The following SGCG variants were observed in gnomAD, a reference collection of about 807,000 sequenced individuals.
SGCG encodes sarcoglycan gamma.
SGCG carries 26 observed loss-of-function variants against 29.3 expected under a neutral mutation model. The observed-to-expected ratio is 0.89, with a 90% CI of 0.65 to 1.23. The LOEUF (loss-of-function observed/expected upper bound fraction) is 1.23. SGCG is among the 50% of genes most tolerant of loss of function. The pLI, the probability that SGCG is intolerant of heterozygous loss-of-function variation, is 0.00. For missense variants in SGCG, 353 were observed against 356.0 expected, an observed-to-expected ratio of 0.99 and a Z score of 0.07; for synonymous variants, 145 against 129.7, an observed-to-expected ratio of 1.12 and a Z score of -0.80.
At chr13:23,216,131 C>A (rs558776393) in intron 2 of SGCG, among the ~76,000 whole-genome samples, 4 of 152,154 alleles carry the variant, frequency 2.6e-5, no homozygotes, top group East Asian at 3.9e-4. Context: ...CAAGATGCAC[C>A]CTTCCAGCTT....
chr13:23,235,723 A>G (rs1046896375), intron 3 of SGCG, among the ~76,000 whole-genome samples: 1 of 152,250 alleles, frequency 6.6e-6, no homozygotes, highest in African/African-American at 2.4e-5. Flanking sequence ...TCACCCAGCT[A>G]TAACTTTCTA....
At chr13:23,222,970 C>G (rs4769243) in intron 2 of SGCG, among the ~76,000 whole-genome samples, 1 of 151,868 alleles carries the variant, frequency 6.6e-6, no homozygotes, top group Non-Finnish European at 1.5e-5. Flanking sequence ...CTCAACATTT[C>G]GGGGGCCCAG....
chr13:23,175,806 T>C, the SGCG span, among the ~76,000 whole-genome samples: 9 of 152,128 alleles, frequency 5.9e-5, no homozygotes, highest in African/African-American at 2.2e-4. Flanking sequence ...TTAATTGATA[T>C]AACAATTTAC....
chr13:23,265,236 GAAATA>G (rs1325313421), intron 4 of SGCG, among the ~76,000 whole-genome samples: 1 of 151,372 alleles, frequency 6.6e-6, no homozygotes, highest in Non-Finnish European at 1.5e-5. Context: ...AATCTACGAG[GAAATA>G]AAACAGATCA....
chr13:23,320,229 G>T (rs1882983251), intron 6 of SGCG, among the ~76,000 whole-genome samples: 1 of 152,210 alleles, frequency 6.6e-6, no homozygotes, highest in Non-Finnish European at 1.5e-5. Context: ...CGATTTTGCA[G>T]TGTGCCACGA....
intron 1 of SGCG, among the ~76,000 whole-genome samples, chr13:23,193,801 T>A (rs548313725): frequency 6.6e-6 from 1 of 152,206 alleles, no homozygotes; most frequent in East Asian, 1.9e-4. Context: ...TTTAAAGACA[T>A]GATAATGAAT....
At chr13:23,180,934 G>T (rs551607827), upstream of SGCG, 11 of 152,192 alleles carry the variant, frequency 7.2e-5, no homozygotes, top group Admixed American at 7.2e-4. Flanking sequence ...ACTCGTGAGA[G>T]CCCTTTCTCC....
chr13:23,173,373 TG>T, the SGCG span, among the ~76,000 whole-genome samples: 1 of 152,200 alleles, frequency 6.6e-6, no homozygotes, highest in Admixed American at 6.5e-5. Flanking sequence ...CCACTTTTCT[TG>T]GGAAGAAAAA....
intron 6 of SGCG, among the ~76,000 whole-genome samples, chr13:23,317,450 G>A (rs1414380500): frequency 2.1e-5 from 3 of 145,616 alleles, no homozygotes; most frequent in Non-Finnish European, 4.5e-5. Flanking sequence ...ATACAGAATG[G>A]GTAGTTGAAG....
upstream of SGCG, among the ~76,000 whole-genome samples, chr13:23,180,500 C>CA (rs1045605063): frequency 2.6e-5 from 4 of 152,110 alleles, no homozygotes; most frequent in Non-Finnish European, 5.9e-5. Context: ...TTTAAAGAGT[C>CA]ACTGTTACAT....
intron 2 of SGCG, among the ~76,000 whole-genome samples, chr13:23,232,105 C>T (rs9510640): frequency 0.5 from 75,236 of 149,088 alleles, 19,007 homozygotes; most frequent in South Asian, 0.64. Context: ...GGAGACAGAG[C>T]GAGATTCCAT....
chr13:23,212,248 G>A (rs1236401039), intron 2 of SGCG, among the ~76,000 whole-genome samples: 1 of 152,164 alleles, frequency 6.6e-6, no homozygotes, highest in African/African-American at 2.4e-5. Context: ...TTGTAGCAAT[G>A]CGAGAATGGA....
At position 23,191,386 on chromosome 13, in the gene SGCG, T is replaced by C. The variant is rs190057051; in HGVS notation, c.-1+10311T>C. On this transcript the variant is annotated intron_variant, in intron 1 of 7. Transcript: ENST00000218867. ...AAGAGGAGAGACAGCAAGGAGAACT[T>C]CAGTTGTCAAGGTATCGGGTGCAGG... is the stretch of plus-strand genomic sequence containing the variant. 6.6e-4 allele frequency among the ~76,000 whole-genome samples: 100 copies of C among 152,176 alleles called. 1 individual carries two copies. The highest frequency in any genetic ancestry group is 2.2e-3 in the African/African-American group (93 of 41,494).
intron 3 of SGCG, among the ~76,000 whole-genome samples, chr13:23,250,045 C>T (rs1269529687): frequency 6.6e-6 from 1 of 152,060 alleles, no homozygotes; most frequent in African/African-American, 2.4e-5. Context: ...TCTTTCTGTT[C>T]TCTGATGTCG....
At chr13:23,285,812 G>C (rs1881475603) in intron 5 of SGCG, among the ~76,000 whole-genome samples, 1 of 152,152 alleles carries the variant, frequency 6.6e-6, no homozygotes, top group African/African-American at 2.4e-5. Flanking sequence ...GGGCTGAATA[G>C]CACCATCCTT....
At chr13:23,295,658 G>C (rs1420888515) in intron 6 of SGCG, among the ~76,000 whole-genome samples, 171 bp downstream of exon 6, 1 of 152,158 alleles carries the variant, frequency 6.6e-6, no homozygotes, top group Non-Finnish European at 1.5e-5. Context: ...ATCCAAAGGA[G>C]GTCAAAAAGT....
intron 1 of SGCG, among the ~76,000 whole-genome samples, chr13:23,186,489 C>T (rs1483325971): frequency 1.3e-5 from 2 of 152,110 alleles, no homozygotes; most frequent in African/African-American, 2.4e-5. Flanking sequence ...TCCACAGAGC[C>T]CATGGTAATG....
Position 23,304,062 on chromosome 13 carries a change from TTG to T in SGCG, c.578+8577_578+8578del, listed in dbSNP as rs1209499415. Among the ~76,000 whole-genome samples, 3 of 151,942 alleles carry T rather than the reference TTG, an allele frequency of 2.0e-5. No individual in the cohort carries two copies. The East Asian group carries it at 5.8e-4, about 29-fold the overall frequency. ...CCATTTTTGTATTCCTTTCTGTGAA[TTG>T]TTTGTCTTTTTCTACTTTTTAAAAA... is the stretch of plus-strand genomic sequence containing the variant. On this transcript the variant is annotated intron_variant, in intron 6 of 7. Coordinates refer to ENST00000218867, the MANE Select transcript of SGCG (RefSeq NM_000231.3).
intron 4 of SGCG, among the ~76,000 whole-genome samples, chr13:23,258,426 A>C (rs1880285964): frequency 6.6e-6 from 1 of 152,222 alleles, no homozygotes; most frequent in African/African-American, 2.4e-5. Context: ...GAAGTTGCTT[A>C]TCAGCTTAAG....
Sources: allele counts gnomAD v4.1 joint callset (sites outside exome capture counted in the v4.1 genomes callset), GRCh38; gene constraint gnomAD v4.1.1; transcripts MANE v1.5; gene names NCBI Gene and HGNC (gene_info 2026-07-23, HGNC 2026-07-21).